The following FSIP1 variants were observed in gnomAD, a reference collection of about 807,000 sequenced individuals.
FSIP1 encodes fibrous sheath interacting protein 1.
A neutral mutation model predicts 60.9 loss-of-function variants in FSIP1; 65 were observed. The ratio of observed to expected loss-of-function variants is 1.07; its 90% CI spans 0.87 to 1.31. The LOEUF is 1.31. Among genes scored for constraint, FSIP1 ranks in the 40% most tolerant of loss-of-function variants. The probability of loss-of-function intolerance (pLI) is 0.00; values close to 1 mark genes in which losing one functional copy is unlikely to be tolerated. For missense variants in FSIP1, 675 were observed against 665.5 expected (o/e 1.01, Z -0.16); for synonymous variants, 209 against 221.2 (o/e 0.94, Z 0.49).
chr15:39,618,221 CAG>C lies in FSIP1; in HGVS notation c.1211_1212del (p.Ser404Ter). The C allele has an allele frequency of 6.2e-7, 1 of 1,608,782 alleles. No individual in the cohort carries two copies. Among genetic ancestry groups the C allele is most frequent in the Non-Finnish European group, 8.5e-7 (1 of 1,175,758 alleles). On this transcript the variant is annotated frameshift_variant, in exon 11 of 12. Coordinates refer to ENST00000350221, the MANE Select transcript of FSIP1 (RefSeq NM_152597.5). LOFTEE classifies it high-confidence loss of function. ...ENVLESTSCL[S>X]EEQLKCLLDE... ...TCCAGAAGACACTTTAACTGTTCTT[CAG>C]AGAGACATGATGTGGACTCTAACTG... is the stretch of plus-strand genomic sequence containing the variant.
chr15:39,705,310 T>C (rs949740389), intron 10 of FSIP1, among the ~76,000 whole-genome samples: 1 of 152,122 alleles, frequency 6.6e-6, no homozygotes, highest in Non-Finnish European at 1.5e-5. Flanking sequence ...AAGTCAAAAA[T>C]GTTCTTTATT....
At chr15:39,626,756 G>A (rs1891655785) in intron 10 of FSIP1, among the ~76,000 whole-genome samples, 1 of 152,122 alleles carries the variant, frequency 6.6e-6, no homozygotes, top group African/African-American at 2.4e-5. Flanking sequence ...CAGCCATTCG[G>A]AACTGGGAGT....
At chr15:39,756,721 G>C (rs1018528777) in intron 5 of FSIP1, among the ~76,000 whole-genome samples, 4 of 151,984 alleles carry the variant, frequency 2.6e-5, no homozygotes, top group Non-Finnish European at 4.4e-5. Flanking sequence ...TTTGTTTAAA[G>C]ACAAAAAATG....
At chr15:39,639,911 A>AAT in intron 10 of FSIP1, among the ~76,000 whole-genome samples, 1 of 152,360 alleles carries the variant, frequency 6.6e-6, no homozygotes, top group South Asian at 2.1e-4. Context: ...CAACAAATAT[A>AAT]GTATTTTATT....
chr15:39,648,362 A>C (rs998532051), intron 10 of FSIP1, among the ~76,000 whole-genome samples: 2 of 152,200 alleles, frequency 1.3e-5, no homozygotes, highest in Non-Finnish European at 2.9e-5. Flanking sequence ...CTACTCACTA[A>C]CAATATATAA....
At chr15:39,672,359 C>T (rs904867274) in intron 10 of FSIP1, among the ~76,000 whole-genome samples, 3 of 152,218 alleles carry the variant, frequency 2.0e-5, no homozygotes, top group Admixed American at 1.3e-4. Context: ...CAAACACCTA[C>T]ATCTGTCAGC....
chr15:39,761,078 T>C (rs1595395571), intron 5 of FSIP1, among the ~76,000 whole-genome samples: 2 of 152,218 alleles, frequency 1.3e-5, no homozygotes, highest in Middle Eastern at 6.8e-3. Flanking sequence ...AGATAAATTG[T>C]TGGTGAGGAT....
chr15:39,618,569 C>A (rs2140382332), intron 10 of FSIP1, among the ~76,000 whole-genome samples: 1 of 152,292 alleles, frequency 6.6e-6, no homozygotes, highest in East Asian at 1.9e-4. Flanking sequence ...CTGTCCACAA[C>A]TATCAGTGGA....
At chr15:39,738,032 A>ACAT in intron 8 of FSIP1, 59 bp downstream of exon 8, 1 of 965,904 alleles carries the variant, frequency 1.0e-6, no homozygotes, top group South Asian at 1.7e-5. Flanking sequence ...TGGGCCAATA[A>ACAT]TATTATTTTT....
In FSIP1 at chr15:39,669,951, T is replaced by A. The variant is rs141572133; in HGVS notation, c.1188+43493A>T. 4.6e-5 allele frequency among the ~76,000 whole-genome samples: 7 copies of A among 152,354 alleles called. No homozygotes were observed. The East Asian group carries it at 1.3e-3, about 29-fold the overall frequency. On this transcript the variant is annotated intron_variant, in intron 10 of 11. Transcript: ENST00000350221. The stretch of plus-strand genomic sequence containing the variant: ...TAGTTCTCATATCAGAGTGGAATCA[T>A]GCTCGTTCTGGAAAAGTATTTCTTC...
intron 10 of FSIP1, among the ~76,000 whole-genome samples, chr15:39,703,013 A>G (rs971920852): frequency 7.2e-4 from 98 of 136,562 alleles, no homozygotes; most frequent in African/African-American, 2.6e-3. Flanking sequence ...ATGGAGTTTC[A>G]TTCTTGTTGC....
At chr15:39,629,397 T>C (rs1891786998) in intron 10 of FSIP1, among the ~76,000 whole-genome samples, 1 of 152,206 alleles carries the variant, frequency 6.6e-6, no homozygotes, top group Non-Finnish European at 1.5e-5. Flanking sequence ...GGCTGGCTTC[T>C]AGATACTTTT....
intron 10 of FSIP1, among the ~76,000 whole-genome samples, chr15:39,625,972 C>T (rs1422325051): frequency 1.3e-5 from 2 of 152,182 alleles, no homozygotes; most frequent in Non-Finnish European, 2.9e-5. Flanking sequence ...CTTCTGTACT[C>T]TCAGTTTGAT....
chr15:39,674,423 A>G (rs1216649999), intron 10 of FSIP1, among the ~76,000 whole-genome samples: 3 of 152,198 alleles, frequency 2.0e-5, no homozygotes, highest in Non-Finnish European at 2.9e-5. Flanking sequence ...TGATTTTAAA[A>G]TTCACATGGT....
chr15:39,718,072 C>T (rs75886962), intron 9 of FSIP1, among the ~76,000 whole-genome samples: 1,600 of 152,080 alleles, frequency 0.011, 26 homozygotes, highest in African/African-American at 0.037. Flanking sequence ...CCCCCATCCA[C>T]GGTGGCTAGT....
chr15:39,716,907 C>A (rs1343836560), intron 9 of FSIP1, among the ~76,000 whole-genome samples: 1 of 149,988 alleles, frequency 6.7e-6, no homozygotes, highest in South Asian at 2.1e-4. Context: ...CTCTGCCTCC[C>A]GGGTTCAAGC....
intron 9 of FSIP1, among the ~76,000 whole-genome samples, chr15:39,719,062 T>C (rs1231685189): frequency 6.6e-6 from 1 of 152,218 alleles, no homozygotes; most frequent in Non-Finnish European, 1.5e-5. Context: ...TCCGATGGCA[T>C]AACCATATAG....
At chr15:39,760,314 A>C (rs1897451114) in intron 5 of FSIP1, among the ~76,000 whole-genome samples, 1 of 152,192 alleles carries the variant, frequency 6.6e-6, no homozygotes. Context: ...CTGGAGAAGA[A>C]ACAGGATATT....
intron 8 of FSIP1, among the ~76,000 whole-genome samples, chr15:39,735,958 C>T (rs531567344): frequency 2.6e-5 from 4 of 152,306 alleles, no homozygotes; most frequent in South Asian, 4.1e-4. Flanking sequence ...GGCAGTAACA[C>T]GCATGGAGCT....
Sources: gnomAD v4.1 joint callset for allele counts (sites outside exome capture counted in the v4.1 genomes callset) on GRCh38, gnomAD v4.1.1 for gene constraint, MANE v1.5 for transcripts, NCBI Gene and HGNC (gene_info 2026-07-23, HGNC 2026-07-21) for gene names.